Variants in NDUFA13 observed in about 807,000 individuals in gnomAD.
NDUFA13 encodes NADH:ubiquinone oxidoreductase subunit A13, also known as NADH dehydrogenase [ubiquinone] 1 alpha subcomplex subunit 13.
NDUFA13 carries 16 observed loss-of-function variants against 17.0 expected under a neutral mutation model. That is an observed-to-expected ratio of 0.94 (90% CI 0.64 to 1.43). NDUFA13 has a LOEUF of 1.43. Among genes scored for constraint, NDUFA13 ranks in the 40% most tolerant of loss-of-function variants. The pLI, the probability that NDUFA13 is intolerant of heterozygous loss-of-function variation, is 0.00. For missense variants in NDUFA13, 228 were observed against 206.7 expected, an observed-to-expected ratio of 1.10 and a Z score of -0.63; for synonymous variants, 87 against 78.4, an observed-to-expected ratio of 1.11 and a Z score of -0.58.
intron 1 of NDUFA13, 132 bp downstream of exon 1, chr19:19,516,464 C>G: frequency 1.1e-6 from 1 of 943,212 alleles, no homozygotes; most frequent in Non-Finnish European, 1.7e-6. Context: ...TCCATCATAG[C>G]TTCTGTAATA....
At position 19,527,737 on chromosome 19, in the gene NDUFA13, G is replaced by A; in HGVS notation, c.282G>A (p.Glu94=). The change falls in exon 4 of 5, where the codon GAG becomes GAA. Residue 94 remains glutamate (E), a synonymous_variant. Coordinates refer to ENST00000507754, the MANE Select transcript of NDUFA13 (RefSeq NM_015965.7). ...LQMLRENLEE[E]AIIMKDVPDW... ...TGCTTCGGGAGAACCTGGAGGAGGA[G>A]GCCATCATCATGAAGGACGTGCCCG... is the stretch of plus-strand genomic sequence containing the variant. The A allele has an allele frequency of 6.4e-7, 1 of 1,552,924 alleles. No individual in the cohort carries two copies. Among genetic ancestry groups the A allele is most frequent in the Non-Finnish European group, 8.7e-7 (1 of 1,147,532 alleles).
chr19:19,520,715 T>A (rs2061073104), intron 1 of NDUFA13, among the ~76,000 whole-genome samples: 1 of 152,202 alleles, frequency 6.6e-6, no homozygotes, highest in South Asian at 2.1e-4. Flanking sequence ...ATTGCCATGA[T>A]CAGAATTTAG....
chr19:19,522,534 A>G (rs1478155836), intron 1 of NDUFA13, among the ~76,000 whole-genome samples: 1 of 125,264 alleles, frequency 8.0e-6, no homozygotes, highest in African/African-American at 3.3e-5. Context: ...GCTGGAGTGC[A>G]GTGGCGCGAT....
intron 2 of NDUFA13, 54 bp downstream of exon 2, chr19:19,526,314 G>A: frequency 6.3e-7 from 1 of 1,589,156 alleles, no homozygotes; most frequent in Non-Finnish European, 8.6e-7. Context: ...AGTTGTCGGG[G>A]TCCTGTAGCA....
chr19:19,520,826 C>A (rs184077476), intron 1 of NDUFA13, among the ~76,000 whole-genome samples: 3 of 152,326 alleles, frequency 2.0e-5, no homozygotes, highest in Non-Finnish European at 4.4e-5. Context: ...TTTGCCTGTT[C>A]TGGCCATTTC....
chr19:19,527,505 A>C (rs2061107779), intron 3 of NDUFA13, 153 bp downstream of exon 3: 2 of 1,080,484 alleles, frequency 1.9e-6, no homozygotes, highest in Admixed American at 3.9e-5. Context: ...CTTAGTGGAG[A>C]CCCAAGGGGG....
chr19:19,520,401 G>A (rs986458273), intron 1 of NDUFA13, among the ~76,000 whole-genome samples: 1 of 152,170 alleles, frequency 6.6e-6, no homozygotes, highest in Non-Finnish European at 1.5e-5. Flanking sequence ...AGGACAAAGC[G>A]GATGGATCAC....
chr19:19,526,164 C>T lies in NDUFA13; in HGVS notation c.95-18C>T. On this transcript the variant is annotated intron_variant, in intron 1 of 4. Transcript: ENST00000507754. ...TCTGGGGGCGGGCTGGCCCGCTGAG[C>T]AGCGCCTCTCTTCACAGGCTACAGC... The T allele has an allele frequency of 1.2e-6, 2 of 1,612,910 alleles. No homozygotes were observed. The highest frequency in any genetic ancestry group is 1.7e-6 in the Non-Finnish European group (2 of 1,179,668).
At chr19:19,526,700 G>GAC (rs2061101211) in intron 2 of NDUFA13, 1 of 314,662 alleles carries the variant, frequency 3.2e-6, no homozygotes, top group Non-Finnish European at 6.2e-6. Context: ...CCAGGCAGTG[G>GAC]ACACACAGGG....
intron 1 of NDUFA13, 53 bp from the exon 2 acceptor site, chr19:19,526,129 G>A (rs1260586462): frequency 1.9e-6 from 3 of 1,602,744 alleles, no homozygotes; most frequent in Non-Finnish European, 1.7e-6. Flanking sequence ...TGGAGCTGTG[G>A]AGGAGGGTGT....
rs911969917 is a variant in NDUFA13 at position 19,527,685 on chromosome 19, G to A, written c.246-16G>A. 21 of 1,549,414 alleles carry A rather than the reference G, an allele frequency of 1.4e-5. No homozygotes were observed. Among genetic ancestry groups the A allele is most frequent in the East Asian group, 9.8e-5 (4 of 40,934 alleles). On this transcript the variant is annotated splice_polypyrimidine_tract_variant and intron_variant, in intron 3 of 4. Coordinates refer to ENST00000507754, the MANE Select transcript of NDUFA13 (RefSeq NM_015965.7). ...GCACTGAGGCCCCACCCCCACCATC[G>A]GCCCCATCCCCACAGGACCTTGCAG...
chr19:19,524,536 A>ATC (rs1347764944), intron 1 of NDUFA13, among the ~76,000 whole-genome samples: 1 of 152,006 alleles, frequency 6.6e-6, no homozygotes, highest in Non-Finnish European at 1.5e-5. Flanking sequence ...ATAATGAGAT[A>ATC]TGGCCGGGCA....
chr19:19,517,408 C>T lies in NDUFA13; in HGVS notation c.94+1076C>T, dbSNP rs565901240. 5.3e-5 allele frequency among the ~76,000 whole-genome samples: 8 copies of T among 152,034 alleles called. No homozygotes were observed. The South Asian group carries it at 1.5e-3, about 28-fold the overall frequency. ...TGTATTTTCTATAGAGATGGGATCT[C>T]GCCATCTTGCCCAGGCTGGTCTCGA... On this transcript the variant is annotated intron_variant, in intron 1 of 4. Transcript: ENST00000507754.
rs937017700 is a variant in NDUFA13 at position 19,528,057 on chromosome 19, G to A, written c.366G>A (p.Gly122=). 11 of 1,612,292 alleles carry A rather than the reference G, an allele frequency of 6.8e-6. No individual in the cohort carries two copies. The highest frequency in any genetic ancestry group is 1.3e-5 in the African/African-American group (1 of 74,976). The stretch of plus-strand genomic sequence containing the variant: ...CCCGCTGGGTGCCCCCCTTGATCGG[G>A]GAGCTGTACGGGCTGCGCACCACAG... The part of the protein sequence containing the change: ...HTTRWVPPLI[G]ELYGLRTTEE... The change falls in exon 5 of 5, where the codon GGG becomes GGA. Residue 122 remains glycine, a synonymous_variant. Transcript: ENST00000507754.
intron 2 of NDUFA13, chr19:19,526,783 C>G (rs945175093): frequency 3.5e-6 from 1 of 284,588 alleles, no homozygotes; most frequent in Admixed American, 4.9e-5. Context: ...ACCCCTCCCC[C>G]AACCCCAACG....
At chr19:19,516,690 C>T (rs975697045) in intron 1 of NDUFA13, among the ~76,000 whole-genome samples, 1 of 152,258 alleles carries the variant, frequency 6.6e-6, no homozygotes, top group African/African-American at 2.4e-5. Flanking sequence ...AGGCCGCAAC[C>T]CGGAACCTGG....
intron 1 of NDUFA13, among the ~76,000 whole-genome samples, chr19:19,524,492 G>T (rs541482638): frequency 1.3e-5 from 2 of 152,188 alleles, no homozygotes; most frequent in Non-Finnish European, 2.9e-5. Flanking sequence ...GGGCAGCCCA[G>T]GTCTGTCCCC....
intron 2 of NDUFA13, 119 bp from the exon 3 acceptor site, chr19:19,527,162 G>GCCCCCCCCCCCCCCC: frequency 1.2e-6 from 1 of 837,466 alleles, no homozygotes; most frequent in Non-Finnish European, 1.8e-6. Flanking sequence ...CCCCCTGCCT[G>GCCCCCCCCCCCCCCC]CCTCCCCGCC....
At chr19:19,525,734 A>G (rs1483209391) in intron 1 of NDUFA13, among the ~76,000 whole-genome samples, 1 of 151,886 alleles carries the variant, frequency 6.6e-6, no homozygotes, top group Non-Finnish European at 1.5e-5. Context: ...CTGCAGAGCC[A>G]AGAGGTAGCA....
Sources: allele counts gnomAD v4.1 joint callset (sites outside exome capture counted in the v4.1 genomes callset), GRCh38; gene constraint gnomAD v4.1.1; transcripts MANE v1.5; gene names NCBI Gene and HGNC (gene_info 2026-07-23, HGNC 2026-07-21).